DISC1: variants seen among roughly 807,000 people sequenced by gnomAD.
DISC1 encodes the protein DISC1 scaffold protein.
In DISC1, 57 loss-of-function variants were observed where a neutral mutation model predicts 84.5. The ratio of observed to expected loss-of-function variants is 0.67; its 90% CI spans 0.55 to 0.84. The LOEUF is 0.84. Among genes scored for constraint, DISC1 ranks in the 40% least tolerant of loss-of-function variants. DISC1 has a pLI of 0.00. For synonymous variants in DISC1, 411 were observed against 415.2 expected (o/e 0.99, Z 0.12); for missense variants, 1,000 against 1,057.8 (o/e 0.95, Z 0.76).
At chr1:231,842,894 A>G (rs7523738) in intron 9 of DISC1, among the ~76,000 whole-genome samples, 99,023 of 152,096 alleles carry the variant, frequency 0.65, 32,734 homozygotes, top group African/African-American at 0.76. Context: ...TGACAGCGGG[A>G]GACCCTGAGG....
intron 9 of DISC1, among the ~76,000 whole-genome samples, chr1:231,883,632 G>A (rs12073702): frequency 0.012 from 1,897 of 152,262 alleles, 44 homozygotes; most frequent in African/African-American, 0.042. Context: ...CTGGGCAGGT[G>A]GGTGCAGGTT....
intron 9 of DISC1, among the ~76,000 whole-genome samples, chr1:231,898,433 G>A (rs2087875821): frequency 6.6e-6 from 1 of 152,198 alleles, no homozygotes; most frequent in Non-Finnish European, 1.5e-5. Flanking sequence ...GGCAGAGTGA[G>A]TGAAGGGAAG....
At chr1:231,817,005 G>T (rs893558834) in intron 8 of DISC1, among the ~76,000 whole-genome samples, 1 of 151,262 alleles carries the variant, frequency 6.6e-6, no homozygotes, top group African/African-American at 2.4e-5. Flanking sequence ...GACTTGCTAT[G>T]TTGCCCAGAC....
intron 6 of DISC1, among the ~76,000 whole-genome samples, chr1:231,783,154 A>C (rs919565890): frequency 2.0e-5 from 3 of 152,138 alleles, no homozygotes; most frequent in Non-Finnish European, 4.4e-5. Context: ...TGTTGTATTT[A>C]ATGGGTTGAA....
chr1:231,679,960 G>A (rs2063525713), intron 1 of DISC1, among the ~76,000 whole-genome samples: 1 of 152,192 alleles, frequency 6.6e-6, no homozygotes, highest in African/African-American at 2.4e-5. Flanking sequence ...AGGCGCAGTG[G>A]TTCATGCCTG....
At chr1:232,021,468 G>T (rs1191638146) in intron 11 of DISC1, among the ~76,000 whole-genome samples, 1 of 152,088 alleles carries the variant, frequency 6.6e-6, no homozygotes, top group East Asian at 1.9e-4. Context: ...GTGGTCACTT[G>T]TTGTAATGTC....
chr1:231,961,561 C>T (rs1660384671), intron 10 of DISC1, among the ~76,000 whole-genome samples: 1 of 152,172 alleles, frequency 6.6e-6, no homozygotes, highest in Admixed American at 6.5e-5. Flanking sequence ...TCTCCAGTAT[C>T]TATTGTTCCC....
chr1:231,704,652 C>T (rs1024501947), intron 3 of DISC1, among the ~76,000 whole-genome samples: 1 of 144,618 alleles, frequency 6.9e-6, no homozygotes, highest in African/African-American at 2.5e-5. Context: ...CCCAGCTACT[C>T]GGGAGGCTGA....
intron 4 of DISC1, among the ~76,000 whole-genome samples, chr1:231,751,231 C>G (rs1158908039): frequency 6.6e-6 from 1 of 152,182 alleles, no homozygotes; most frequent in African/African-American, 2.4e-5. Flanking sequence ...CTCTGTAATT[C>G]TCTCATTCTT....
At chr1:231,800,635 T>C (rs1207549394) in intron 8 of DISC1, among the ~76,000 whole-genome samples, 1 of 152,174 alleles carries the variant, frequency 6.6e-6, no homozygotes, top group Non-Finnish European at 1.5e-5. Flanking sequence ...TTATGCTCCC[T>C]CTTACTCTGG....
chr1:231,795,482 T>C (rs2078686377), intron 7 of DISC1, among the ~76,000 whole-genome samples, 186 bp downstream of exon 7: 1 of 152,216 alleles, frequency 6.6e-6, no homozygotes, highest in Admixed American at 6.5e-5. Flanking sequence ...AGTGGAGGTC[T>C]TGACTTGTGG....
chr1:231,853,955 T>C (rs1235463937), intron 9 of DISC1, among the ~76,000 whole-genome samples: 1 of 152,188 alleles, frequency 6.6e-6, no homozygotes, highest in African/African-American at 2.4e-5. Flanking sequence ...CTGACAATAA[T>C]AATCTGTTGT....
chr1:231,948,613 A>G lies in DISC1; in HGVS notation c.1982-10215A>G, dbSNP rs181451727. On this transcript the variant is annotated intron_variant, in intron 9 of 12. Transcript: ENST00000439617. ...AGAACTTAAAGTATAATTAAAAAAA[A>G]AAGAAGTGCTCCCAGGGACATTTGG... 6.4e-4 allele frequency among the ~76,000 whole-genome samples: 98 copies of G among 152,110 alleles called. 1 individual carries two copies. The highest frequency in any genetic ancestry group is 5.4e-3 in the East Asian group (28 of 5,162).
chr1:231,935,855 C>T (rs2090950655), intron 9 of DISC1, among the ~76,000 whole-genome samples: 1 of 152,200 alleles, frequency 6.6e-6, no homozygotes, highest in African/African-American at 2.4e-5. Flanking sequence ...ACAAAACATT[C>T]ACATAGAGTG....
At chr1:231,779,307 C>G (rs2125514707) in intron 6 of DISC1, among the ~76,000 whole-genome samples, 1 of 152,236 alleles carries the variant, frequency 6.6e-6, no homozygotes, top group East Asian at 1.9e-4. Context: ...GATACAAAGA[C>G]CAACTGTGGA....
intron 1 of DISC1, among the ~76,000 whole-genome samples, chr1:231,679,705 G>A (rs2125538838): frequency 6.6e-6 from 1 of 152,314 alleles, no homozygotes; most frequent in East Asian, 1.9e-4. Context: ...AGTGTGCACT[G>A]TTTGAATGTA....
At chr1:231,927,916 C>T (rs1239013347) in intron 9 of DISC1, among the ~76,000 whole-genome samples, 1 of 152,224 alleles carries the variant, frequency 6.6e-6, no homozygotes, top group African/African-American at 2.4e-5. Context: ...GAGGGCTGCC[C>T]CGCCAGGCCA....
rs1021269406 is a variant in DISC1, at chr1:231,745,827, A to T, written c.1118-4099A>T. On this transcript the variant is annotated intron_variant, in intron 3 of 12. Coordinates refer to ENST00000439617, the MANE Select transcript of DISC1 (RefSeq NM_018662.3). Reference sequence around the variant, plus strand: ...TGAAATGTGATCCCCAGTGTTGGAGATGGGCCTGGTGGGAGGTGTTTGGGT... The same window carrying T: ...TGAAATGTGATCCCCAGTGTTGGAGTTGGGCCTGGTGGGAGGTGTTTGGGT... 2.0e-5 allele frequency among the ~76,000 whole-genome samples: 3 copies of T among 152,186 alleles called. No individual in the cohort carries two copies. The East Asian group carries it at 5.8e-4, about 29-fold the overall frequency.
rs16855500 is a variant in DISC1 at position 231,886,367 on chromosome 1, A to C, written c.1981+67850A>C. Among the ~76,000 whole-genome samples the C allele has an allele frequency of 6.8e-3, 1,036 of 152,320 alleles. 18 individuals are homozygous for C. The highest frequency in any genetic ancestry group is 0.024 in the African/African-American group (1,002 of 41,566). ...CAAAACTCTTGGGTAGTTTCTGTGG[A>C]TATAAATTCCAGGTGAGGTTAGTTG... is the stretch of plus-strand genomic sequence containing the variant. On this transcript the variant is annotated intron_variant, in intron 9 of 12. Transcript: ENST00000439617.
Sources: allele counts gnomAD v4.1 joint callset (sites outside exome capture counted in the v4.1 genomes callset), GRCh38; gene constraint gnomAD v4.1.1; transcripts MANE v1.5; gene names NCBI Gene and HGNC (gene_info 2026-07-23, HGNC 2026-07-21).